BEND3: variants seen among roughly 807,000 people sequenced by gnomAD.
BEND3 encodes the protein BEN domain containing 3, also known as BEN domain-containing protein 3.
In BEND3, 13 loss-of-function variants were observed where a neutral mutation model predicts 60.1. The ratio of observed to expected loss-of-function variants is 0.22; its 90% CI spans 0.14 to 0.34. The LOEUF (loss-of-function observed/expected upper bound fraction) is 0.34, where lower values mean the gene tolerates loss of function less well. Ranked by LOEUF, BEND3 falls within the 10% of genes least tolerant of loss-of-function variation. The pLI is 1.00. For missense variants in BEND3, 896 were observed against 1,138.1 expected, an observed-to-expected ratio of 0.79 and a Z score of 3.06; for synonymous variants, 497 against 491.5, an observed-to-expected ratio of 1.01 and a Z score of -0.15.
intron 1 of BEND3, among the ~76,000 whole-genome samples, chr6:107,103,392 T>A (rs1252257847): frequency 6.6e-6 from 1 of 152,176 alleles, no homozygotes; most frequent in Non-Finnish European, 1.5e-5. Flanking sequence ...GACTATAGGC[T>A]ACGTAGGCGC....
intron 3 of BEND3, among the ~76,000 whole-genome samples, chr6:107,078,590 G>C (rs1554233082): frequency 6.8e-6 from 1 of 147,738 alleles, no homozygotes; most frequent in African/African-American, 2.5e-5. Context: ...AAAGTGCTGG[G>C]ATTACAGGCG....
chr6:107,089,578 T>C (rs558220310), intron 3 of BEND3, among the ~76,000 whole-genome samples: 2 of 136,518 alleles, frequency 1.5e-5, no homozygotes, highest in Admixed American at 1.5e-4. Flanking sequence ...ACAGCGAGAC[T>C]CTGTCTCGAA....
At chr6:107,099,710 T>A (rs549112027) in intron 1 of BEND3, among the ~76,000 whole-genome samples, 140 of 152,246 alleles carry the variant, frequency 9.2e-4, no homozygotes, top group African/African-American at 3.2e-3. Context: ...GGACTTACGG[T>A]TGTCAAGAGA....
At chr6:107,113,975 G>C (rs923199187) in intron 1 of BEND3, 8 of 152,182 alleles carry the variant, frequency 5.3e-5, no homozygotes, top group Non-Finnish European at 8.8e-5. Context: ...TTACTTTAAG[G>C]AGATGAACTG....
chr6:107,067,606 C>CCAAT lies in BEND3; in HGVS notation c.*1094_*1097dup, dbSNP rs1204306708. 1.3e-5 allele frequency: 2 copies of CCAAT among 152,320 alleles called. No individual in the cohort carries two copies. Among genetic ancestry groups the CCAAT allele is most frequent in the African/African-American group, 2.4e-5 (1 of 41,444 alleles). The allele number at this position is 152,320 out of a possible 1,614,324, so 9.4% of individuals were successfully genotyped here. ...CCCATCTAAAATGGCCTGTGTCCTT[C>CCAAT]CAATGCATGGTATCCCCAAGAGGGG... On this transcript the variant is annotated 3_prime_UTR_variant, in exon 4 of 4. Transcript: ENST00000369042.
At chr6:107,090,639 A>C (rs1775456629) in intron 3 of BEND3, among the ~76,000 whole-genome samples, 1 of 152,186 alleles carries the variant, frequency 6.6e-6, no homozygotes, top group South Asian at 2.1e-4. Context: ...AAGACAAGGG[A>C]GAAGAGGGAG....
intron 3 of BEND3, among the ~76,000 whole-genome samples, chr6:107,090,782 T>G (rs1257487466): frequency 6.6e-6 from 1 of 151,624 alleles, no homozygotes; most frequent in Non-Finnish European, 1.5e-5. Flanking sequence ...AAGAAAAAAA[T>G]ATTTAAGAAA....
chr6:107,082,259 A>AG (rs1411929215), intron 3 of BEND3, among the ~76,000 whole-genome samples: 6 of 152,058 alleles, frequency 3.9e-5, no homozygotes, highest in African/African-American at 1.4e-4. Context: ...AGCTCCCTCC[A>AG]GGGGGATAAT....
At chr6:107,105,806 CCCAG>C (rs1441315716) in intron 1 of BEND3, among the ~76,000 whole-genome samples, 21 of 152,158 alleles carry the variant, frequency 1.4e-4, no homozygotes, top group Admixed American at 1.4e-3. Flanking sequence ...AAGACCTGGC[CCCAG>C]CAGCCCTGAC....
chr6:107,091,015 C>A (rs1775464847), intron 3 of BEND3, among the ~76,000 whole-genome samples: 1 of 151,482 alleles, frequency 6.6e-6, no homozygotes, highest in South Asian at 2.1e-4. Flanking sequence ...TAGGCTGAGG[C>A]AGGATAATTG....
At chr6:107,076,764 T>G (rs1775109164) in intron 3 of BEND3, among the ~76,000 whole-genome samples, 1 of 152,180 alleles carries the variant, frequency 6.6e-6, no homozygotes, top group African/African-American at 2.4e-5. Context: ...GGCATCTCCC[T>G]CCTGGAATCA....
At chr6:107,093,814 T>C (rs2783017) in intron 3 of BEND3, among the ~76,000 whole-genome samples, 3,607 of 152,148 alleles carry the variant, frequency 0.024, 150 homozygotes, top group African/African-American at 0.08. Context: ...AGAGAAAACA[T>C]AGATGACCTT....
At chr6:107,105,940 G>A (rs1344732059) in intron 1 of BEND3, 2 of 152,304 alleles carry the variant, frequency 1.3e-5, no homozygotes, top group Non-Finnish European at 2.9e-5. Context: ...ACAGGAATGT[G>A]ATTGGAACCT....
intron 3 of BEND3, among the ~76,000 whole-genome samples, chr6:107,097,881 A>G (rs760996237): frequency 1.3e-5 from 2 of 151,744 alleles, no homozygotes; most frequent in Non-Finnish European, 2.9e-5. Context: ...AAACATGTAT[A>G]TTTAAATCTT....
At chr6:107,088,546 A>G (rs1775405088) in intron 3 of BEND3, among the ~76,000 whole-genome samples, 1 of 152,222 alleles carries the variant, frequency 6.6e-6, no homozygotes, top group African/African-American at 2.4e-5. Context: ...ATACCTAGGC[A>G]TACTGTTTTC....
At chr6:107,111,706 G>T (rs564003752) in intron 1 of BEND3, among the ~76,000 whole-genome samples, 2 of 152,010 alleles carry the variant, frequency 1.3e-5, no homozygotes, top group Admixed American at 6.6e-5. Flanking sequence ...ACCAGGCCAG[G>T]CGCGATGGCT....
chr6:107,107,733 A>T (rs1582673988), intron 1 of BEND3, among the ~76,000 whole-genome samples: 1 of 152,236 alleles, frequency 6.6e-6, no homozygotes, highest in Non-Finnish European at 1.5e-5. Flanking sequence ...AAGTTCTGGG[A>T]TTACAGGTGT....
At position 107,070,098 on chromosome 6, in the gene BEND3, G is replaced by T; in HGVS notation, c.1093C>A (p.Pro365Thr). Residue 365 changes from proline to threonine, a missense_variant, in exon 4 of 4, where the codon CCC (proline) becomes ACC (threonine). Pro to Thr is a conservative substitution (Grantham distance 38). This residue lies in a region of BEND3 where 846 missense variants were observed against 1,036.7 expected (regional missense o/e 0.82). Transcript: ENST00000369042. The surrounding 1 kb of genome is among the most constrained non-coding windows in gnomAD (Gnocchi z 6.9). Reference protein sequence around the residue: ...ASFFEAEQVDPGHFLDNKDQE... With the variant: ...ASFFEAEQVDTGHFLDNKDQE... ...TCTTTGTTGTCCAGGAAGTGGCCGG[G>T]GTCCACCTGCTCTGCCTCAAAGAAG... 1 of 1,613,410 alleles carries T rather than the reference G, an allele frequency of 6.2e-7. No individual in the cohort carries two copies. The highest frequency in any genetic ancestry group is 1.1e-5 in the South Asian group (1 of 91,088).
At position 107,069,827 on chromosome 6, in the gene BEND3, G is replaced by A. The variant is rs782063371; in HGVS notation, c.1364C>T (p.Thr455Met). ...PQRLQIIRNY[T>M]EIYFPDMQEE... ...CTGCATGTCAGGGAAGTAGATCTCC[G>A]TGTAGTTGCGGATGATCTGCAGCCG... is the stretch of plus-strand genomic sequence containing the variant. The change falls in exon 4 of 4, where the codon ACG becomes ATG. Residue 455 changes from threonine (T) to methionine (M), a missense_variant. By Grantham distance (81) the Thr-to-Met change is moderately conservative. Around this residue, in one of 4 missense-constraint regions of BEND3, gnomAD observed 846 missense variants for 1,036.7 expected, o/e 0.82. Transcript: ENST00000369042. 12 of 1,613,292 alleles carry A rather than the reference G, an allele frequency of 7.4e-6. No individual in the cohort carries two copies. The highest frequency in any genetic ancestry group is 2.2e-5 in the South Asian group (2 of 91,064).
Sources: gnomAD v4.1 joint callset for allele counts (sites outside exome capture counted in the v4.1 genomes callset) on GRCh38, gnomAD v4.1.1 for gene constraint, gnomAD v4.1.1 regional missense constraint, Gnocchi (gnomAD v3.1) non-coding constraint, MANE v1.5 for transcripts, NCBI Gene and HGNC (gene_info 2026-07-23, HGNC 2026-07-21) for gene names.